Variants in DSG4 observed in about 807,000 individuals in gnomAD.
DSG4 encodes the protein desmoglein 4.
Under a neutral mutation model 93.1 loss-of-function variants are expected in DSG4, and 87 were observed. The ratio of observed to expected loss-of-function variants is 0.93; its 90% CI spans 0.79 to 1.12. The LOEUF (loss-of-function observed/expected upper bound fraction) is 1.12, where lower values mean the gene tolerates loss of function less well. Ranked by LOEUF, DSG4 falls within the 50% of genes most tolerant of loss-of-function variation. The pLI, the probability that DSG4 is intolerant of heterozygous loss-of-function variation, is 0.00. For synonymous variants in DSG4, 432 were observed against 452.9 expected (o/e 0.95, Z 0.59); for missense variants, 1,373 against 1,285.7 (o/e 1.07, Z -1.04).
intron 5 of DSG4, among the ~76,000 whole-genome samples, chr18:31,390,265 A>G (rs2144177021): frequency 6.6e-6 from 1 of 152,258 alleles, no homozygotes; most frequent in Non-Finnish European, 1.5e-5. Context: ...ATTTAATTAA[A>G]CTATAATTTT....
rs563559059 is a variant in DSG4, at chr18:31,413,085, C to T, written c.2613C>T (p.Leu871=). The T allele has an allele frequency of 8.7e-6, 14 of 1,614,118 alleles. No individual in the cohort carries two copies. The East Asian group carries it at 2.7e-4, about 31-fold the overall frequency. ...CAATCAGTACTGACCTCCCTTTGCT[C>T]GGACCTAATTACTTTGTTAATGAAT... is the stretch of plus-strand genomic sequence containing the variant. ...CIPISTDLPL[L]GPNYFVNESS... is the part of the protein sequence containing the mutation. The change falls in exon 16 of 16, where the codon CTC becomes CTT. Residue 871 remains leucine (L), a synonymous_variant. Coordinates refer to ENST00000308128, the MANE Select transcript of DSG4 (RefSeq NM_177986.5).
intron 1 of DSG4, among the ~76,000 whole-genome samples, chr18:31,384,724 A>C (rs971730934): frequency 6.6e-6 from 1 of 152,150 alleles, no homozygotes; most frequent in Non-Finnish European, 1.5e-5. Flanking sequence ...ACATCCGCTG[A>C]CTTAGAGCCT....
In DSG4 at chr18:31,392,235, T is replaced by G; in HGVS notation, c.900T>G (p.Thr300=). ...LQAIDLDEEG[T]DNWLAQYLIL... The stretch of plus-strand genomic sequence containing the variant: ...CAATTGATCTTGATGAAGAAGGCAC[T>G]GATAACTGGTTGGCTCAATATTTAA... Residue 300 remains threonine, a synonymous_variant, in exon 8 of 16, where the codon ACT becomes ACG. Transcript: ENST00000308128. 2 of 1,613,830 alleles carry G rather than the reference T, an allele frequency of 1.2e-6. No homozygotes were observed. Among genetic ancestry groups the G allele is most frequent in the Non-Finnish European group, 1.7e-6 (2 of 1,179,848 alleles).
At chr18:31,403,282 C>T (rs2072388248) in intron 10 of DSG4, 134 bp from the exon 11 acceptor site, 15 of 739,986 alleles carry the variant, frequency 2.0e-5, no homozygotes, top group South Asian at 1.1e-4. Flanking sequence ...GTCACTGAAG[C>T]GGGCAGGAAC....
intron 9 of DSG4, among the ~76,000 whole-genome samples, chr18:31,400,080 T>C (rs754752714): frequency 1.1e-4 from 17 of 152,192 alleles, no homozygotes; most frequent in Non-Finnish European, 2.2e-4. Flanking sequence ...ACTAGGTACC[T>C]AGATTATATG....
chr18:31,384,897 T>C lies in DSG4; in HGVS notation c.49-239T>C, dbSNP rs1813419. The stretch of plus-strand genomic sequence containing the variant: ...TTGAGTTTCCTTCTCTATCCTCCAT[T>C]GAGCCCACTGAGGTATCCCAACCTG... On this transcript the variant is annotated intron_variant, in intron 1 of 15. Coordinates refer to ENST00000308128, the MANE Select transcript of DSG4 (RefSeq NM_177986.5). Among the ~76,000 whole-genome samples, 106,435 of 152,032 alleles carry C rather than the reference T, an allele frequency of 0.7. 38,303 individuals are homozygous for C. Among genetic ancestry groups the C allele is most frequent in the East Asian group, 0.9 (4,632 of 5,172 alleles).
chr18:31,391,247 G>A (rs1423152015), intron 7 of DSG4, 35 bp downstream of exon 7: 1 of 1,612,406 alleles, frequency 6.2e-7, no homozygotes, highest in Non-Finnish European at 8.5e-7. Flanking sequence ...TTTTCCATAA[G>A]TGTCAATAAT....
intron 10 of DSG4, 125 bp downstream of exon 10, chr18:31,401,145 G>T: frequency 1.4e-6 from 1 of 729,954 alleles, no homozygotes; most frequent in African/African-American, 1.8e-5. Context: ...CTTATGGAAA[G>T]CCCTAAACAC....
rs143657134 is a variant in DSG4 at position 31,390,994 on chromosome 18, G to C, written c.685-84G>C. On this transcript the variant is annotated intron_variant, in intron 6 of 15. Coordinates refer to ENST00000308128, the MANE Select transcript of DSG4 (RefSeq NM_177986.5). ...AATTTCATTGGATATGTAAATAAAAGAGTAGAGAAATAATGGCATTGAATG... is the reference window on the plus strand; with the variant it reads ...AATTTCATTGGATATGTAAATAAAACAGTAGAGAAATAATGGCATTGAATG... 7,496 of 1,567,356 alleles carry C rather than the reference G, an allele frequency of 4.8e-3. 28 individuals carry two copies. Among genetic ancestry groups the C allele is most frequent in the Non-Finnish European group, 6.1e-3 (7,064 of 1,148,804 alleles).
Position 31,392,347 on chromosome 18 carries a change from T to G in DSG4, c.1005+7T>G. 1 of 1,613,334 alleles carries G rather than the reference T, an allele frequency of 6.2e-7. No homozygotes were observed. The highest frequency in any genetic ancestry group is 8.5e-7 in the Non-Finnish European group (1 of 1,179,578). On this transcript the variant is annotated splice_region_variant and intron_variant, in intron 8 of 15. Coordinates refer to ENST00000308128, the MANE Select transcript of DSG4 (RefSeq NM_177986.5). The stretch of plus-strand genomic sequence containing the variant: ...CATTTTGAAAGTTGTCAAGGTACAG[T>G]ATAAGGATCTGCAATATTTTCTTCC...
chr18:31,388,815 A>G (rs1365835359), intron 4 of DSG4, 59 bp from the exon 5 acceptor site: 1 of 1,611,326 alleles, frequency 6.2e-7, no homozygotes, highest in African/African-American at 1.3e-5. Context: ...ATATATTTTC[A>G]AGCATGTTAC....
chr18:31,388,239 TA>T, intron 3 of DSG4, 127 bp from the exon 4 acceptor site: 1 of 1,041,094 alleles, frequency 9.6e-7, no homozygotes, highest in Non-Finnish European at 1.4e-6. Context: ...CACACAGGAC[TA>T]AGTCATGGTG....
chr18:31,390,094 G>A (rs977720020), intron 5 of DSG4, among the ~76,000 whole-genome samples: 2 of 152,196 alleles, frequency 1.3e-5, no homozygotes, highest in Non-Finnish European at 2.9e-5. Context: ...GAGTAATTAG[G>A]AACTTCTTAT....
At chr18:31,405,732 A>G (rs1255184184) in intron 11 of DSG4, among the ~76,000 whole-genome samples, 3 of 151,962 alleles carry the variant, frequency 2.0e-5, no homozygotes, top group African/African-American at 4.8e-5. Flanking sequence ...AAATGTATAT[A>G]TATTAGCCAG....
At position 31,413,533 on chromosome 18, in the gene DSG4, T is replaced by G. The variant is rs755607180; in HGVS notation, c.3061T>G (p.Ser1021Ala). ...CATAGGCCAAACCGTTGGCTCCACA[T>G]CCCCCATGACATCTCGACACAGAGT... ...LPIGQTVGST[S>A]PMTSRHRVTR... Residue 1021 changes from serine (S) to alanine (A), a missense_variant, in exon 16 of 16, where the codon TCC becomes GCC. Physicochemically the swap from Ser to Ala is moderately conservative, Grantham distance 99 (BLOSUM62 1). Transcript: ENST00000308128. 1.8e-5 allele frequency: 29 copies of G among 1,613,818 alleles called. No homozygotes were observed. Among genetic ancestry groups the G allele is most frequent in the Non-Finnish European group, 2.4e-5 (28 of 1,179,976 alleles).
Position 31,385,126 on chromosome 18 carries a change from A to G in DSG4, c.49-10A>G, listed in dbSNP as rs766424911. 11 of 1,601,718 alleles carry G rather than the reference A, an allele frequency of 6.9e-6. No individual in the cohort carries two copies. In the South Asian group the frequency reaches 7.9e-5, roughly 11 times the overall value. ...AATTTATGCTAATGTGGTATCTTCT[A>G]TCAAAACAGGTGGTGATGGAAGTAA... is the stretch of plus-strand genomic sequence containing the variant. On this transcript the variant is annotated splice_polypyrimidine_tract_variant and intron_variant, in intron 1 of 15. Transcript: ENST00000308128.
In DSG4 at chr18:31,406,472, G is replaced by T; in HGVS notation, c.1933+99G>T. ...TAGGTTCATGGAGCCATTTCTTTTT[G>T]GTATCTCTAGCAATTTTTGAGTGCC... is the stretch of plus-strand genomic sequence containing the variant. On this transcript the variant is annotated intron_variant, in intron 12 of 15. Coordinates refer to ENST00000308128, the MANE Select transcript of DSG4 (RefSeq NM_177986.5). The T allele has an allele frequency of 2.8e-6, 4 of 1,450,186 alleles. No homozygotes were observed. In the South Asian group the frequency reaches 4.7e-5, roughly 17 times the overall value. 89.8% of individuals were successfully genotyped at this position (1,450,186 alleles called of 1,614,324 possible).
intron 11 of DSG4, among the ~76,000 whole-genome samples, chr18:31,403,898 A>G (rs966583937): frequency 4.6e-5 from 7 of 152,216 alleles, no homozygotes; most frequent in Admixed American, 1.3e-4. Context: ...CATTTTGAGT[A>G]GGTAAAACGT....
chr18:31,387,927 G>A (rs768322514), intron 3 of DSG4, among the ~76,000 whole-genome samples: 9 of 152,088 alleles, frequency 5.9e-5, no homozygotes, highest in South Asian at 4.1e-4. Context: ...AACCATTATA[G>A]TTTTCTGATA....
Sources: allele counts gnomAD v4.1 joint callset (sites outside exome capture counted in the v4.1 genomes callset), GRCh38; gene constraint gnomAD v4.1.1; transcripts MANE v1.5; gene names NCBI Gene and HGNC (gene_info 2026-07-23, HGNC 2026-07-21).